The following MKRN2OS variants were observed in gnomAD, a reference collection of about 807,000 sequenced individuals.
MKRN2OS encodes the protein MKRN2 opposite strand protein.
A neutral mutation model predicts 18.2 loss-of-function variants in MKRN2OS; 17 were observed. That is an observed-to-expected ratio of 0.93 (90% CI 0.64 to 1.40). MKRN2OS has a LOEUF of 1.40. Among genes scored for constraint, MKRN2OS ranks in the 40% most tolerant of loss-of-function variants. The pLI is 0.00. For missense variants in MKRN2OS, 337 were observed against 283.0 expected, an observed-to-expected ratio of 1.19 and a Z score of -1.37; for synonymous variants, 121 against 108.5, an observed-to-expected ratio of 1.12 and a Z score of -0.72.
At chr3:12,549,347 G>A (rs571087952), upstream of MKRN2OS, among the ~76,000 whole-genome samples, 107 of 152,082 alleles carry the variant, frequency 7.0e-4, no homozygotes, top group African/African-American at 2.4e-3. Flanking sequence ...GGGTTCAAGC[G>A]GTTCTCCTGC....
downstream of MKRN2OS, among the ~76,000 whole-genome samples, chr3:12,551,483 A>G (rs1023243396): frequency 3.3e-5 from 5 of 151,510 alleles, no homozygotes; most frequent in African/African-American, 1.2e-4. Flanking sequence ...CAACAGAGCA[A>G]GACTCCATCT....
upstream of MKRN2OS, among the ~76,000 whole-genome samples, chr3:12,550,359 C>T (rs971100006): frequency 6.6e-6 from 1 of 152,060 alleles, no homozygotes; most frequent in African/African-American, 2.4e-5. Context: ...GGTATGACTC[C>T]CAACTATATG....
At chr3:12,560,211 A>G (rs1043114767) in intron 1 of MKRN2OS, among the ~76,000 whole-genome samples, 1 of 152,230 alleles carries the variant, frequency 6.6e-6, no homozygotes, top group Non-Finnish European at 1.5e-5. Context: ...GCAGTCTATG[A>G]AGTAAGTGCA....
intron 2 of MKRN2OS, among the ~76,000 whole-genome samples, chr3:12,542,740 C>T (rs1381978558): frequency 1.3e-5 from 2 of 148,196 alleles, no homozygotes; most frequent in Non-Finnish European, 1.5e-5. Flanking sequence ...AAAAACACTG[C>T]AGGCCCCACC....
Position 12,541,800 on chromosome 3 carries a change from G to A in MKRN2OS, c.431+60C>T, listed in dbSNP as rs73126368. The A allele has an allele frequency of 2.3e-3, 3,431 of 1,488,720 alleles. 60 individuals carry two copies. In the African/African-American group the frequency reaches 0.042, roughly 18 times the overall value. The allele number at this position is 1,488,720 out of a possible 1,614,324, so 92.2% of individuals were successfully genotyped here. ...GTCCTCTGTGAGCTGAGGCTACACG[G>A]GGATCCCACTTGCATAGCATGTGAG... On this transcript the variant is annotated intron_variant, in intron 3 of 3. Coordinates refer to ENST00000564146, the MANE Select transcript of MKRN2OS (RefSeq NM_001195279.2).
intron 1 of MKRN2OS, among the ~76,000 whole-genome samples, chr3:12,554,642 C>A (rs1378636123): frequency 6.6e-6 from 1 of 151,918 alleles, no homozygotes; most frequent in Non-Finnish European, 1.5e-5. Context: ...ATGGCATAGT[C>A]GTACAACGGA....
rs1559380069 is a variant in MKRN2OS, at chr3:12,541,910, C to G, written c.381G>C (p.Trp127Cys). The change falls in exon 3 of 4, where the codon TGG (tryptophan) becomes TGC (cysteine). Residue 127 changes from tryptophan to cysteine, a missense_variant. Transcript: ENST00000564146. Reference protein sequence around the residue: ...QPNMYGMMEQWDKYLEDFSTS... With the variant: ...QPNMYGMMEQCDKYLEDFSTS... The stretch of plus-strand genomic sequence containing the variant: ...TGGAGAAGTCTTCCAGGTACTTGTC[C>G]CATTGCTCCATCATTCCATACATGT... The G allele has an allele frequency of 6.5e-7, 1 of 1,535,984 alleles. No individual in the cohort carries two copies. The highest frequency in any genetic ancestry group is 1.2e-5 in the South Asian group (1 of 84,046).
intron 1 of MKRN2OS, among the ~76,000 whole-genome samples, chr3:12,554,722 G>A (rs2057954094): frequency 6.6e-6 from 1 of 152,056 alleles, no homozygotes; most frequent in South Asian, 2.1e-4. Flanking sequence ...CACTGATTAT[G>A]TACGCTGTGC....
chr3:12,545,308 T>G lies in MKRN2OS; in HGVS notation c.157A>C (p.Thr53Pro). ...GAACATTTTTCTTGATGTCCATTAGTAAATGGATTAGCGATGCTAACAGGT... is the reference window on the plus strand; with the variant it reads ...GAACATTTTTCTTGATGTCCATTAGGAAATGGATTAGCGATGCTAACAGGT... ...DAPVSIANPF[T>P]NGHQEKCSFL... The change falls in exon 1 of 4, where the codon ACT becomes CCT. Residue 53 changes from threonine to proline, a missense_variant. Physicochemically the swap from Thr to Pro is conservative, Grantham distance 38 (BLOSUM62 -1). Coordinates refer to ENST00000564146, the MANE Select transcript of MKRN2OS (RefSeq NM_001195279.2). The G allele has an allele frequency of 6.5e-7, 1 of 1,536,084 alleles. No individual in the cohort carries two copies. The highest frequency in any genetic ancestry group is 8.7e-7 in the Non-Finnish European group (1 of 1,146,850).
chr3:12,544,087 C>T (rs979028794), intron 1 of MKRN2OS, among the ~76,000 whole-genome samples: 2 of 151,948 alleles, frequency 1.3e-5, no homozygotes, highest in Non-Finnish European at 2.9e-5. Flanking sequence ...AACAGTATGA[C>T]CAAAACCTTT....
intron 2 of MKRN2OS, among the ~76,000 whole-genome samples, chr3:12,542,373 A>G (rs540132814): frequency 6.2e-4 from 95 of 152,336 alleles, no homozygotes; most frequent in African/African-American, 2.1e-3. Context: ...CAATGGGTCA[A>G]TCTTGTTTCC....
At chr3:12,546,575 A>ATTTTTTTTTTTTTTTT (rs1160434615), upstream of MKRN2OS, among the ~76,000 whole-genome samples, 19 of 97,130 alleles carry the variant, frequency 2.0e-4, 3 homozygotes, top group African/African-American at 7.9e-4. Flanking sequence ...GGTACATGGG[A>ATTTTTTTTTTTTTTTT]TTTTTTTTTT....
Position 12,545,281 on chromosome 3 carries a change from A to C in MKRN2OS, c.184T>G (p.Phe62Val). Residue 62 changes from phenylalanine (F) to valine (V), a missense_variant, in exon 1 of 4, where the codon TTC (phenylalanine) becomes GTC (valine). By Grantham distance (50) the Phe-to-Val change is conservative. Transcript: ENST00000564146. ...GTCCCCTGAGTTGGTCTGAGGAGGA[A>C]TGAACATTTTTCTTGATGTCCATTA... Reference protein sequence around the residue: ...FTNGHQEKCSFLLRPTQGTFL... With the variant: ...FTNGHQEKCSVLLRPTQGTFL... 3 of 1,536,036 alleles carry C rather than the reference A, an allele frequency of 2.0e-6. No homozygotes were observed. Among genetic ancestry groups the C allele is most frequent in the Non-Finnish European group, 2.6e-6 (3 of 1,146,836 alleles).
chr3:12,543,665 CT>C (rs1422833980), intron 1 of MKRN2OS, among the ~76,000 whole-genome samples: 3 of 152,046 alleles, frequency 2.0e-5, no homozygotes, highest in Admixed American at 2.0e-4. Context: ...GTGGGAGGAT[CT>C]TTTGAGGCCA....
At chr3:12,541,163 T>C (rs1222780495) in intron 3 of MKRN2OS, among the ~76,000 whole-genome samples, 10 of 152,072 alleles carry the variant, frequency 6.6e-5, no homozygotes, top group Non-Finnish European at 1.3e-4. Context: ...GAGTGAGAAA[T>C]TAACTGGAAA....
upstream of MKRN2OS, among the ~76,000 whole-genome samples, chr3:12,545,783 G>C (rs746579740): frequency 6.6e-6 from 1 of 152,140 alleles, no homozygotes; most frequent in Admixed American, 6.5e-5. Context: ...CAGTGGCAGC[G>C]CTGGATTCAT....
At position 12,556,959 on chromosome 3, in the gene MKRN2OS, G is replaced by A. The variant is rs2057976892; in HGVS notation, n.265-2825C>T. On this transcript the variant is annotated intron_variant and non_coding_transcript_variant, in intron 1 of 1. Coordinates refer to the MKRN2OS transcript ENST00000447550. ...TGCCGGGACAGCCGGCCCGATCCCCGGTGCGGAACCAATTGTGACGACGGC... is the reference window on the plus strand; with the variant it reads ...TGCCGGGACAGCCGGCCCGATCCCCAGTGCGGAACCAATTGTGACGACGGC... 54 of 497,788 alleles carry A rather than the reference G, an allele frequency of 1.1e-4. No homozygotes were observed. In the East Asian group the frequency reaches 2.0e-3, roughly 19 times the overall value. The allele number at this position is 497,788 out of a possible 1,614,324, so 30.8% of individuals were successfully genotyped here.
intron 1 of MKRN2OS, among the ~76,000 whole-genome samples, 174 bp from the exon 2 acceptor site, chr3:12,543,403 A>G (rs776147430): frequency 6.6e-6 from 1 of 152,136 alleles, no homozygotes; most frequent in Non-Finnish European, 1.5e-5. Context: ...CCTGGCCAAC[A>G]TGGCAAGACC....
In MKRN2OS at chr3:12,543,344, T is replaced by C. The variant is rs1409942930; in HGVS notation, c.219-115A>G. On this transcript the variant is annotated intron_variant, in intron 1 of 3. Transcript: ENST00000564146. Reference sequence around the variant, plus strand: ...GCTTAGACCTGTAATCCCAGCACTTTGGGAGGCCAAGGCGGGCAGATCACT... The same window carrying C: ...GCTTAGACCTGTAATCCCAGCACTTCGGGAGGCCAAGGCGGGCAGATCACT... The C allele has an allele frequency of 1.3e-5, 11 of 824,424 alleles. No homozygotes were observed. The South Asian group carries it at 1.6e-4, about 12-fold the overall frequency. 51.1% of individuals were successfully genotyped at this position (824,424 alleles called of 1,614,324 possible).
Sources: allele counts gnomAD v4.1 joint callset (sites outside exome capture counted in the v4.1 genomes callset), GRCh38; gene constraint gnomAD v4.1.1; transcripts MANE v1.5; gene names NCBI Gene and HGNC (gene_info 2026-07-23, HGNC 2026-07-21).